The following TCF12 variants were observed in gnomAD, a reference collection of about 807,000 sequenced individuals.
TCF12 encodes transcription factor 12.
In TCF12, 45 loss-of-function variants were observed where a neutral mutation model predicts 86.0. The ratio of observed to expected loss-of-function variants is 0.52; its 90% CI spans 0.41 to 0.67. The LOEUF (loss-of-function observed/expected upper bound fraction) is 0.67. TCF12 is among the 30% of genes least tolerant of loss of function. The pLI is 0.00. For missense variants in TCF12, 881 were observed against 859.9 expected, an observed-to-expected ratio of 1.02 and a Z score of -0.31; for synonymous variants, 330 against 299.6, an observed-to-expected ratio of 1.10 and a Z score of -1.05.
chr15:57,196,577 G>A (rs2057276059), intron 7 of TCF12, among the ~76,000 whole-genome samples: 2 of 152,084 alleles, frequency 1.3e-5, no homozygotes, highest in African/African-American at 4.8e-5. Context: ...TCCATTTTTT[G>A]TGTAAACCTG....
At chr15:57,245,588 A>G (rs1471534789) in intron 13 of TCF12, among the ~76,000 whole-genome samples, 1 of 152,208 alleles carries the variant, frequency 6.6e-6, no homozygotes, top group Non-Finnish European at 1.5e-5. Flanking sequence ...ACTGAGTAGG[A>G]AGGCAGGCCA....
intron 3 of TCF12, among the ~76,000 whole-genome samples, chr15:56,974,650 G>T (rs1422375055): frequency 6.6e-6 from 1 of 152,136 alleles, no homozygotes; most frequent in Admixed American, 6.5e-5. Flanking sequence ...AGCAATCCTA[G>T]AGGTTAGATA....
At chr15:57,071,282 C>G (rs189350309) in intron 4 of TCF12, among the ~76,000 whole-genome samples, 1 of 150,676 alleles carries the variant, frequency 6.6e-6, no homozygotes, top group Admixed American at 6.6e-5. Context: ...TCTGGTGGTG[C>G]GCACCTGTGG....
At chr15:57,267,494 T>C (rs1228123078) in intron 18 of TCF12, among the ~76,000 whole-genome samples, 1 of 152,224 alleles carries the variant, frequency 6.6e-6, no homozygotes, top group African/African-American at 2.4e-5. Context: ...TTCCTCCATA[T>C]TCATCTTCTT....
intron 18 of TCF12, among the ~76,000 whole-genome samples, chr15:57,272,431 C>T (rs1377738677): frequency 6.6e-6 from 1 of 152,186 alleles, no homozygotes; most frequent in Non-Finnish European, 1.5e-5. Context: ...AAAAAAATAG[C>T]CGTTTTCTGG....
chr15:57,158,096 A>C (rs1410768759), intron 5 of TCF12, among the ~76,000 whole-genome samples: 1 of 151,962 alleles, frequency 6.6e-6, no homozygotes, highest in Non-Finnish European at 1.5e-5. Context: ...AGGGGAGAGA[A>C]GTGGAGAGCA....
intron 3 of TCF12, among the ~76,000 whole-genome samples, chr15:56,990,272 T>A (rs1418285765): frequency 2.0e-5 from 3 of 150,298 alleles, no homozygotes; most frequent in Admixed American, 6.7e-5. Flanking sequence ...TGTGTGTGTG[T>A]GAAAGAAAAT....
chr15:57,219,571 A>G (rs762255482), intron 8 of TCF12: 2 of 1,613,454 alleles, frequency 1.2e-6, no homozygotes, highest in African/African-American at 1.3e-5. Flanking sequence ...TCTTTGATGT[A>G]TTACTACAAT....
At chr15:57,029,109 C>A (rs1296111014) in intron 3 of TCF12, among the ~76,000 whole-genome samples, 1 of 152,062 alleles carries the variant, frequency 6.6e-6, no homozygotes, top group Non-Finnish European at 1.5e-5. Context: ...TTACATGTAT[C>A]ATAAGCATTT....
intron 5 of TCF12, among the ~76,000 whole-genome samples, chr15:57,149,845 TA>T (rs199660485): frequency 0.013 from 1,918 of 152,346 alleles, 17 homozygotes; most frequent in Non-Finnish European, 0.021. Context: ...TTCTGATCTG[TA>T]AAAATGGGTT....
chr15:57,019,408 G>A (rs28669321), intron 3 of TCF12, among the ~76,000 whole-genome samples: 1 of 152,120 alleles, frequency 6.6e-6, no homozygotes, highest in East Asian at 1.9e-4. Flanking sequence ...AGTAAAGAAA[G>A]AGTTTAATGC....
intron 3 of TCF12, among the ~76,000 whole-genome samples, chr15:56,995,288 CTT>C (rs1299338655): frequency 1.5e-5 from 1 of 67,580 alleles, no homozygotes; most frequent in Non-Finnish European, 2.7e-5. Context: ...TATTTCGGCT[CTT>C]TTTGGGTTCA....
At chr15:57,007,832 CTT>C (rs1296120556) in intron 3 of TCF12, among the ~76,000 whole-genome samples, 2 of 142,198 alleles carry the variant, frequency 1.4e-5, no homozygotes, top group African/African-American at 5.3e-5. Context: ...TTCTTTCTTT[CTT>C]TCTTTCTCTC....
At chr15:57,233,944 T>G in intron 11 of TCF12, 99 bp from the exon 12 acceptor site, 111 of 892,182 alleles carry the variant, frequency 1.2e-4, no homozygotes, top group Non-Finnish European at 1.9e-4. Context: ...GTAACAGATG[T>G]GAGATGATGA....
chr15:57,168,007 A>T (rs939277638), intron 6 of TCF12, among the ~76,000 whole-genome samples: 6 of 152,172 alleles, frequency 3.9e-5, no homozygotes, highest in African/African-American at 1.4e-4. Flanking sequence ...CATCACACTG[A>T]TATCTTAAAA....
At chr15:57,089,785 G>C (rs1031594685) in intron 4 of TCF12, among the ~76,000 whole-genome samples, 1 of 152,086 alleles carries the variant, frequency 6.6e-6, no homozygotes, top group Non-Finnish European at 1.5e-5. Context: ...CAATATTTAA[G>C]TGAGTATTTT....
chr15:57,269,534 T>C (rs1221807031), intron 18 of TCF12, among the ~76,000 whole-genome samples: 4 of 152,134 alleles, frequency 2.6e-5, no homozygotes, highest in Non-Finnish European at 4.4e-5. Context: ...TGTCTTTTAA[T>C]TGGGGCACTT....
chr15:56,998,673 A>G (rs1196101996), intron 3 of TCF12, among the ~76,000 whole-genome samples: 4 of 152,142 alleles, frequency 2.6e-5, no homozygotes, highest in South Asian at 2.1e-4. Context: ...TCCGAACAAC[A>G]TTATCAACTA....
chr15:56,952,638 G>A (rs1245436950), intron 3 of TCF12, among the ~76,000 whole-genome samples: 1 of 152,004 alleles, frequency 6.6e-6, no homozygotes, highest in African/African-American at 2.4e-5. Flanking sequence ...ACTTGATACT[G>A]TTATATATGG....
Sources: gnomAD v4.1 joint callset for allele counts (sites outside exome capture counted in the v4.1 genomes callset) on GRCh38, gnomAD v4.1.1 for gene constraint, MANE v1.5 for transcripts, NCBI Gene and HGNC (gene_info 2026-07-23, HGNC 2026-07-21) for gene names.